Variants in AKAP12 observed in about 807,000 individuals in gnomAD.
AKAP12 encodes the protein A-kinase anchor protein 12.
AKAP12 carries 32 observed loss-of-function variants against 79.9 expected under a neutral mutation model. The observed-to-expected ratio is 0.40, with a 90% CI of 0.30 to 0.54. The LOEUF is 0.54. Among genes scored for constraint, AKAP12 ranks in the 20% least tolerant of loss-of-function variants. AKAP12 has a pLI of 0.48. For synonymous variants in AKAP12, 808 were observed against 857.0 expected, an observed-to-expected ratio of 0.94 and a Z score of 1.00; for missense variants, 2,074 against 2,177.0, an observed-to-expected ratio of 0.95 and a Z score of 0.94.
At chr6:151,295,019 C>G (rs1041022879) in intron 2 of AKAP12, among the ~76,000 whole-genome samples, 1 of 152,154 alleles carries the variant, frequency 6.6e-6, no homozygotes, top group Non-Finnish European at 1.5e-5. Flanking sequence ...GTCAGAGTTT[C>G]CCAAGCTAAC....
intron 2 of AKAP12, among the ~76,000 whole-genome samples, chr6:151,295,915 A>AC (rs1244242823): frequency 6.6e-6 from 1 of 151,284 alleles, no homozygotes; most frequent in Non-Finnish European, 1.5e-5. Context: ...GGAGATGTTC[A>AC]CCCCCTTTTC....
At chr6:151,283,004 C>T (rs1266895626) in intron 2 of AKAP12, among the ~76,000 whole-genome samples, 3 of 152,126 alleles carry the variant, frequency 2.0e-5, no homozygotes, top group South Asian at 4.1e-4. Context: ...GAAGAGTATT[C>T]AGGATTTCTT....
chr6:151,284,090 G>C (rs1172386363), intron 2 of AKAP12, among the ~76,000 whole-genome samples: 1 of 152,154 alleles, frequency 6.6e-6, no homozygotes, highest in African/African-American at 2.4e-5. Context: ...CAAGGTGAAC[G>C]CACGAGTAAC....
At chr6:151,343,899 CTT>C (rs757237689) in intron 3 of AKAP12, 2 of 437,520 alleles carry the variant, frequency 4.6e-6, no homozygotes, top group African/African-American at 2.2e-5. Context: ...CAAATAGAAA[CTT>C]AAAGCATTTT....
chr6:151,265,696 A>T (rs1797539178), intron 2 of AKAP12, among the ~76,000 whole-genome samples: 1 of 152,236 alleles, frequency 6.6e-6, no homozygotes. Flanking sequence ...TAAAAATCTA[A>T]CAGTACATGC....
intron 3 of AKAP12, among the ~76,000 whole-genome samples, chr6:151,314,837 A>C (rs1004962810): frequency 6.6e-6 from 1 of 151,968 alleles, no homozygotes; most frequent in Non-Finnish European, 1.5e-5. Context: ...GGTGGATCAC[A>C]AGGTCAGGAG....
chr6:151,354,562 A>G (rs189700215), intron 4 of AKAP12, among the ~76,000 whole-genome samples: 3 of 150,576 alleles, frequency 2.0e-5, no homozygotes, highest in Non-Finnish European at 3.0e-5. Context: ...TTTAGTAGAG[A>G]TGGGTTTTCA....
chr6:151,337,232 C>T (rs779124219), intron 3 of AKAP12, among the ~76,000 whole-genome samples: 12 of 151,906 alleles, frequency 7.9e-5, no homozygotes, highest in African/African-American at 1.9e-4. Context: ...AGGCCAGGTC[C>T]GGTGGCTCAC....
intron 3 of AKAP12, among the ~76,000 whole-genome samples, chr6:151,334,622 CT>C (rs201525210): frequency 0.48 from 68,486 of 142,240 alleles, 18,289 homozygotes; most frequent in African/African-American, 0.73. Flanking sequence ...TGCATCTCAA[CT>C]TTTTTTTTTT....
chr6:151,282,742 T>A (rs1262376424), intron 2 of AKAP12, among the ~76,000 whole-genome samples: 1 of 152,170 alleles, frequency 6.6e-6, no homozygotes, highest in Non-Finnish European at 1.5e-5. Context: ...CGACTTCTCT[T>A]GTCTATTGGT....
At position 151,245,705 on chromosome 6, in the gene AKAP12, G is replaced by T. The variant is rs79384069; in HGVS notation, c.162+4981G>T. Among the ~76,000 whole-genome samples the T allele has an allele frequency of 4.5e-3, 668 of 148,978 alleles. 9 individuals are homozygous for T. Among genetic ancestry groups the T allele is most frequent in the East Asian group, 0.03 (153 of 5,064 alleles). ...AAAGCATGTGTTTACCCTTATTAAT[G>T]ATTTTTATTTAAAGTCATTGCATAG... is the stretch of plus-strand genomic sequence containing the variant. On this transcript the variant is annotated intron_variant, in intron 2 of 4. Transcript: ENST00000402676.
Position 151,353,358 on chromosome 6 carries a change from TGGAAGAGGTCGTCCTCCCATCTGA to T in AKAP12, c.4976_4999del (p.Val1659_Glu1666del). The T allele has an allele frequency of 1.2e-6, 2 of 1,614,154 alleles. No individual in the cohort carries two copies. The highest frequency in any genetic ancestry group is 1.6e-4 in the Middle Eastern group (1 of 6,062). ...GGTTCCACTGTAAATGATCAGCAGC[TGGAAGAGGTCGTCCTCCCATCTGA>T]GGAAGAGGGAGGTGGAGCTGGAACA... On this transcript the variant is annotated inframe_deletion, in exon 4 of 5. Coordinates refer to ENST00000402676, the MANE Select transcript of AKAP12 (RefSeq NM_005100.4).
At chr6:151,268,694 G>A (rs1239025481) in intron 2 of AKAP12, among the ~76,000 whole-genome samples, 1 of 152,162 alleles carries the variant, frequency 6.6e-6, no homozygotes, top group Non-Finnish European at 1.5e-5. Flanking sequence ...CCACACTGGA[G>A]TGCAGCAGCC....
intron 2 of AKAP12, among the ~76,000 whole-genome samples, chr6:151,290,439 T>C (rs1776593220): frequency 6.6e-6 from 1 of 152,048 alleles, no homozygotes; most frequent in African/African-American, 2.4e-5. Context: ...TTTCTCCACT[T>C]AGACATCCAT....
At chr6:151,328,531 G>A (rs1777590173) in intron 3 of AKAP12, among the ~76,000 whole-genome samples, 2 of 151,600 alleles carry the variant, frequency 1.3e-5, no homozygotes, top group Admixed American at 1.3e-4. Flanking sequence ...CAGCTACTCG[G>A]GAGGCTGAGG....
chr6:151,349,629 A>C lies in AKAP12; in HGVS notation c.1238A>C (p.Glu413Ala). ...VFDEKIEVHQ[E>A]EVVAEVHVST... is the part of the protein sequence containing the mutation. ...GATGAGAAAATAGAAGTCCACCAAG[A>C]AGAGGTTGTGGCCGAAGTCCACGTC... The change falls in exon 4 of 5, where the codon GAA becomes GCA. Residue 413 changes from glutamate to alanine, a missense_variant. By Grantham distance (107) the Glu-to-Ala change is moderately radical. Transcript: ENST00000402676. The C allele has an allele frequency of 6.2e-7, 1 of 1,612,942 alleles. No individual in the cohort carries two copies. The highest frequency in any genetic ancestry group is 8.5e-7 in the Non-Finnish European group (1 of 1,179,686).
intron 2 of AKAP12, among the ~76,000 whole-genome samples, chr6:151,257,282 C>CTATT (rs1368329476): frequency 1.3e-5 from 2 of 151,840 alleles, no homozygotes; most frequent in Non-Finnish European, 2.9e-5. Context: ...TGTTTAGCTC[C>CTATT]TATTTATTTA....
At chr6:151,257,148 C>T (rs1434022443) in intron 2 of AKAP12, among the ~76,000 whole-genome samples, 1 of 151,982 alleles carries the variant, frequency 6.6e-6, no homozygotes, top group African/African-American at 2.4e-5. Context: ...CAATTGATCC[C>T]ATCCCCCAGG....
chr6:151,281,550 A>C (rs1032781257), intron 2 of AKAP12, among the ~76,000 whole-genome samples: 7 of 152,206 alleles, frequency 4.6e-5, no homozygotes, highest in Non-Finnish European at 4.4e-5. Flanking sequence ...TCTCCTACAC[A>C]TAGGGAATAG....
Sources: gnomAD v4.1 joint callset for allele counts (sites outside exome capture counted in the v4.1 genomes callset) on GRCh38, gnomAD v4.1.1 for gene constraint, MANE v1.5 for transcripts, NCBI Gene and HGNC (gene_info 2026-07-23, HGNC 2026-07-21) for gene names.